BDH2: variants seen among roughly 807,000 people sequenced by gnomAD.
BDH2 encodes the protein dehydrogenase/reductase SDR family member 6.
BDH2 carries 24 observed loss-of-function variants against 33.2 expected under a neutral mutation model. The observed-to-expected ratio is 0.72, with a 90% CI of 0.52 to 1.02. The LOEUF (loss-of-function observed/expected upper bound fraction) is 1.02. Among genes scored for constraint, BDH2 ranks in the 50% least tolerant of loss-of-function variants. BDH2 has a pLI of 0.00. For synonymous variants in BDH2, 81 were observed against 101.6 expected, an observed-to-expected ratio of 0.80 and a Z score of 1.22; for missense variants, 249 against 301.6, an observed-to-expected ratio of 0.83 and a Z score of 1.29.
Position 103,086,472 on chromosome 4 carries a change from A to T in BDH2, c.418+8T>A, listed in dbSNP as rs1429253286. On this transcript the variant is annotated splice_region_variant and intron_variant, in intron 6 of 9. Transcript: ENST00000296424. ...AGCATCGCAGTCCTCGGAAGGAGAC[A>T]GACCCACCTTTGACGCTGGAAGCCA... 1 of 1,612,552 alleles carries T rather than the reference A, an allele frequency of 6.2e-7. No individual in the cohort carries two copies. Among genetic ancestry groups the T allele is most frequent in the South Asian group, 1.1e-5 (1 of 90,550 alleles).
intron 8 of BDH2, 129 bp downstream of exon 8, chr4:103,082,742 C>A (rs576841758): frequency 2.5e-6 from 2 of 797,400 alleles, no homozygotes; most frequent in Non-Finnish European, 2.1e-6. Flanking sequence ...ATTAACTACT[C>A]TTTTCCCTCC....
At chr4:103,094,481 T>G (rs1357017757) in intron 3 of BDH2, among the ~76,000 whole-genome samples, 1 of 152,150 alleles carries the variant, frequency 6.6e-6, no homozygotes, top group Non-Finnish European at 1.5e-5. Flanking sequence ...TTAATTAGCT[T>G]GACTGTGATA....
intron 4 of BDH2, 105 bp downstream of exon 4, chr4:103,092,495 G>T (rs1748154802): frequency 1.3e-6 from 1 of 755,612 alleles, no homozygotes; most frequent in Non-Finnish European, 2.2e-6. Flanking sequence ...CAAGGAATAT[G>T]TCATGGTTCA....
chr4:103,094,981 A>C (rs1182271301), intron 3 of BDH2, among the ~76,000 whole-genome samples: 1 of 152,208 alleles, frequency 6.6e-6, no homozygotes, highest in East Asian at 1.9e-4. Flanking sequence ...GTGTTAGCTA[A>C]ATAAAGGATT....
At chr4:103,085,596 A>C in intron 6 of BDH2, 134 bp from the exon 7 acceptor site, 1 of 1,445,268 alleles carries the variant, frequency 6.9e-7, no homozygotes, top group Non-Finnish European at 9.4e-7. Flanking sequence ...AAAAAGATTG[A>C]TATCAGATTT....
At chr4:103,087,042 G>A (rs1254212986) in intron 5 of BDH2, among the ~76,000 whole-genome samples, 1 of 152,206 alleles carries the variant, frequency 6.6e-6, no homozygotes, top group Non-Finnish European at 1.5e-5. Flanking sequence ...ACAGCAGGGT[G>A]AGGGCAGAAA....
At chr4:103,095,822 C>G (rs1748376280) in intron 2 of BDH2, among the ~76,000 whole-genome samples, 1 of 152,156 alleles carries the variant, frequency 6.6e-6, no homozygotes, top group African/African-American at 2.4e-5. Flanking sequence ...GGTAACCTGT[C>G]TTATAACTCT....
intron 3 of BDH2, among the ~76,000 whole-genome samples, chr4:103,093,650 A>G (rs1210604709): frequency 1.4e-5 from 2 of 147,718 alleles, no homozygotes; most frequent in South Asian, 2.1e-4. Context: ...TAATACATAT[A>G]ATATATAGTA....
chr4:103,079,387 C>G lies in BDH2; in HGVS notation c.*315G>C. 3.7e-6 allele frequency: 1 copy of G among 268,050 alleles called. No homozygotes were observed. Among genetic ancestry groups the G allele is most frequent in the Non-Finnish European group, 7.1e-6 (1 of 140,122 alleles). 16.6% of individuals were successfully genotyped at this position (268,050 alleles called of 1,614,324 possible). ...AAATAAATGTTTGTTGTCTATGACA[C>G]TCCATCTATGGTAATTTGTTATAGC... is the stretch of plus-strand genomic sequence containing the variant. On this transcript the variant is annotated 3_prime_UTR_variant, in exon 10 of 10. Coordinates refer to ENST00000296424, the MANE Select transcript of BDH2 (RefSeq NM_020139.4).
At chr4:103,094,742 G>C (rs532873690) in intron 3 of BDH2, among the ~76,000 whole-genome samples, 1 of 151,700 alleles carries the variant, frequency 6.6e-6, no homozygotes, top group Non-Finnish European at 1.5e-5. Context: ...AGATATATTG[G>C]ATAAAAGAAA....
intron 3 of BDH2, among the ~76,000 whole-genome samples, 177 bp downstream of exon 3, chr4:103,095,026 A>C (rs1748314733): frequency 6.6e-6 from 1 of 152,238 alleles, no homozygotes; most frequent in African/African-American, 2.4e-5. Context: ...CTATGCATGT[A>C]AGTCACAGAT....
chr4:103,081,048 G>C (rs940936778), intron 9 of BDH2, among the ~76,000 whole-genome samples: 1 of 152,128 alleles, frequency 6.6e-6, no homozygotes. Context: ...TTCCCTCCTC[G>C]CTCCCGCCTA....
In BDH2 at chr4:103,079,621, T is replaced by C; in HGVS notation, c.*81A>G. Reference sequence around the variant, plus strand: ...TAACATGTGATTAACAGGAAGGAGATGATTGGTGAGTTTTCTTCGTAACCA... The same window carrying C: ...TAACATGTGATTAACAGGAAGGAGACGATTGGTGAGTTTTCTTCGTAACCA... On this transcript the variant is annotated 3_prime_UTR_variant, in exon 10 of 10. Transcript: ENST00000296424. 2 of 1,344,334 alleles carry C rather than the reference T, an allele frequency of 1.5e-6. No individual in the cohort carries two copies. Among genetic ancestry groups the C allele is most frequent in the Non-Finnish European group, 2.1e-6 (2 of 938,886 alleles). The allele number at this position is 1,344,334 out of a possible 1,614,324, so 83.3% of individuals were successfully genotyped here.
At chr4:103,088,675 T>C (rs1747922476) in intron 5 of BDH2, among the ~76,000 whole-genome samples, 1 of 152,094 alleles carries the variant, frequency 6.6e-6, no homozygotes. Flanking sequence ...AGGTAGGGGC[T>C]AGAAATACCC....
Position 103,098,278 on chromosome 4 carries a change from A to G in BDH2, c.-21+1505T>C, listed in dbSNP as rs184421153. On this transcript the variant is annotated intron_variant, in intron 1 of 9. Transcript: ENST00000296424. ...TGAGATAGGTAGGACCTGATCACCA[A>G]CGTGGCTAATTTCAAAGAAATGTTA... 3.5e-4 allele frequency among the ~76,000 whole-genome samples: 53 copies of G among 152,330 alleles called. No individual in the cohort carries two copies. In the East Asian group the frequency reaches 9.5e-3, roughly 27 times the overall value.
chr4:103,092,960 T>C (rs1337787297), intron 3 of BDH2, among the ~76,000 whole-genome samples: 1 of 152,174 alleles, frequency 6.6e-6, no homozygotes, highest in Non-Finnish European at 1.5e-5. Flanking sequence ...TTCTGAGCAA[T>C]GGCTTTATAG....
chr4:103,083,351 A>G (rs905828353), intron 7 of BDH2, among the ~76,000 whole-genome samples: 2 of 152,302 alleles, frequency 1.3e-5, no homozygotes, highest in Non-Finnish European at 2.9e-5. Context: ...ATGATCTCAA[A>G]ACCATTCTTT....
At position 103,093,757 on chromosome 4, in the gene BDH2, TA is replaced by T. The variant is rs1426216448; in HGVS notation, c.152-1062del. Among the ~76,000 whole-genome samples the T allele has an allele frequency of 3.8e-4, 56 of 146,652 alleles. No individual in the cohort carries two copies. The South Asian group carries it at 0.012, about 31-fold the overall frequency. On this transcript the variant is annotated intron_variant, in intron 3 of 9. Transcript: ENST00000296424. ...ATAATATATAATTATCTATAATGTG[TA>T]TTATATTTTATAATTTATAATATAT...
chr4:103,090,163 G>C (rs550843487), intron 5 of BDH2, among the ~76,000 whole-genome samples: 24 of 152,154 alleles, frequency 1.6e-4, no homozygotes, highest in Non-Finnish European at 3.2e-4. Context: ...AGTTGAGCTG[G>C]CTCTGTACCC....
Sources: allele counts gnomAD v4.1 joint callset (sites outside exome capture counted in the v4.1 genomes callset), GRCh38; gene constraint gnomAD v4.1.1; transcripts MANE v1.5; gene names NCBI Gene and HGNC (gene_info 2026-07-23, HGNC 2026-07-21).